NACC1: variants seen among roughly 807,000 people sequenced by gnomAD.
NACC1 encodes nucleus accumbens-associated protein 1.
Under a neutral mutation model 41.7 loss-of-function variants are expected in NACC1, and 6 were observed. That is an observed-to-expected ratio of 0.14 (90% CI 0.08 to 0.28). The LOEUF (loss-of-function observed/expected upper bound fraction) is 0.28. NACC1 is among the 10% of genes least tolerant of loss of function. The probability of loss-of-function intolerance (pLI) is 1.00; values close to 1 mark genes in which losing one functional copy is unlikely to be tolerated. For missense variants in NACC1, 434 were observed against 763.7 expected, an observed-to-expected ratio of 0.57 and a Z score of 5.09; for synonymous variants, 338 against 330.6, an observed-to-expected ratio of 1.02 and a Z score of -0.24.
In NACC1 at chr19:13,140,103, C is replaced by T. The variant is rs1262963839; in HGVS notation, c.*1697C>T. 1 of 152,708 alleles carries T rather than the reference C, an allele frequency of 6.5e-6. No homozygotes were observed. Among genetic ancestry groups the T allele is most frequent in the East Asian group, 1.9e-4 (1 of 5,184 alleles). 9.5% of individuals were successfully genotyped at this position (152,708 alleles called of 1,614,324 possible). A position where few individuals can be genotyped will look rare whatever the true frequency, so the allele number is the denominator to read the frequency against. On this transcript the variant is annotated 3_prime_UTR_variant, in exon 6 of 6. Transcript: ENST00000292431. This position sits in a 1 kb window ranked among gnomAD's most constrained non-coding sequence, Gnocchi z 4.0. The stretch of plus-strand genomic sequence containing the variant: ...GCCCACTGGGGGTCCCTCTTAACAT[C>T]TGCTTGTTGCGGGGGTCAGTCATGA...
In NACC1 at chr19:13,118,385, G is replaced by A. The variant is rs948380837; in HGVS notation, c.-78G>A. 6.8e-6 allele frequency: 1 copy of A among 146,796 alleles called. No homozygotes were observed. The highest frequency in any genetic ancestry group is 2.4e-5 in the African/African-American group (1 of 40,916). 9.1% of individuals were successfully genotyped at this position (146,796 alleles called of 1,614,324 possible). ...GCCCCGGCGCAGCGGGGCGCGCCCC[G>A]GGCCCAGGCCCGGCCCCAGCCGCCG... On this transcript the variant is annotated 5_prime_UTR_variant, in exon 1 of 6. Coordinates refer to ENST00000292431, the MANE Select transcript of NACC1 (RefSeq NM_052876.4).
chr19:13,138,289 C>T lies in NACC1; in HGVS notation c.1467C>T (p.Tyr489=), dbSNP rs1054093789. ...VKVLKAEDDA[Y]TTFISETGKI... ...TGCTCAAGGCTGAGGATGACGCCTA[C>T]ACCACCTTCATCAGTGAAACGGGCA... Residue 489 remains tyrosine (Y), a synonymous_variant, in exon 6 of 6, where the codon TAC becomes TAT. Coordinates refer to ENST00000292431, the MANE Select transcript of NACC1 (RefSeq NM_052876.4). The surrounding 1 kb of genome is among the most constrained non-coding windows in gnomAD (Gnocchi z 5.7). 3.7e-6 allele frequency: 6 copies of T among 1,614,122 alleles called. No individual in the cohort carries two copies. Among genetic ancestry groups the T allele is most frequent in the South Asian group, 1.1e-5 (1 of 91,094 alleles).
rs1201855356 is a variant in NACC1 at position 13,138,988 on chromosome 19, C to T, written c.*582C>T. The T allele has an allele frequency of 6.5e-6, 1 of 153,728 alleles. No individual in the cohort carries two copies. Among genetic ancestry groups the T allele is most frequent in the East Asian group, 1.9e-4 (1 of 5,194 alleles). 9.5% of individuals were successfully genotyped at this position (153,728 alleles called of 1,614,324 possible). On this transcript the variant is annotated 3_prime_UTR_variant, in exon 6 of 6. Transcript: ENST00000292431. The surrounding 1 kb of genome is among the most constrained non-coding windows in gnomAD (Gnocchi z 5.7). Reference sequence around the variant, plus strand: ...AACAGGCTCCGAGAAATTGCACAACCGACCTCAGGTGGCCGGCAGTGGCGT... The same window carrying T: ...AACAGGCTCCGAGAAATTGCACAACTGACCTCAGGTGGCCGGCAGTGGCGT...
intron 1 of NACC1, among the ~76,000 whole-genome samples, chr19:13,134,688 G>A (rs1338758077): frequency 5.9e-5 from 9 of 152,144 alleles, no homozygotes. Flanking sequence ...TTCTTGAGTG[G>A]TCATTTAGTC....
At chr19:13,126,929 T>C (rs1233061715) in intron 1 of NACC1, among the ~76,000 whole-genome samples, 1 of 151,878 alleles carries the variant, frequency 6.6e-6, no homozygotes, top group Non-Finnish European at 1.5e-5. Context: ...GAAACTGACA[T>C]GAAGCCCCAA....
At chr19:13,119,198 A>G (rs1489983106) in intron 1 of NACC1, among the ~76,000 whole-genome samples, 1 of 151,974 alleles carries the variant, frequency 6.6e-6, no homozygotes, top group Non-Finnish European at 1.5e-5. Context: ...GGTCAGGAAA[A>G]GCTGGTGTGA....
chr19:13,125,819 A>G (rs553451316), intron 1 of NACC1, among the ~76,000 whole-genome samples: 1 of 151,788 alleles, frequency 6.6e-6, no homozygotes, highest in Non-Finnish European at 1.5e-5. Context: ...GGCTCGCTGC[A>G]ACTTCCACCT....
At chr19:13,126,033 G>A (rs1313508653) in intron 1 of NACC1, among the ~76,000 whole-genome samples, 1 of 150,622 alleles carries the variant, frequency 6.6e-6, no homozygotes, top group East Asian at 2.0e-4. Context: ...CACCATACCT[G>A]GCTGAAAGGC....
chr19:13,133,756 A>G (rs1178989589), intron 1 of NACC1, among the ~76,000 whole-genome samples: 2 of 152,214 alleles, frequency 1.3e-5, no homozygotes, highest in Non-Finnish European at 2.9e-5. Flanking sequence ...TTTTCAATGC[A>G]GGCAAATGTT....
chr19:13,132,061 G>A (rs903800692), intron 1 of NACC1, among the ~76,000 whole-genome samples: 6 of 151,784 alleles, frequency 4.0e-5, no homozygotes, highest in African/African-American at 9.7e-5. Flanking sequence ...GAGTTTCACC[G>A]TGTTTGCCAG....
intron 1 of NACC1, among the ~76,000 whole-genome samples, chr19:13,129,847 C>T (rs1037087662): frequency 3.9e-5 from 6 of 151,944 alleles, no homozygotes; most frequent in African/African-American, 1.5e-4. Context: ...ATCCCCGTAA[C>T]CTTTCAGTCT....
upstream of NACC1, chr19:13,117,551 CTTTCTT>C (rs1418438679): frequency 7.1e-6 from 1 of 140,850 alleles, no homozygotes; most frequent in Non-Finnish European, 1.5e-5. Flanking sequence ...GCCTCCTTTT[CTTTCTT>C]TCTTTCTTTT....
chr19:13,138,474 C>G lies in NACC1; in HGVS notation c.*68C>G. 1 of 1,575,822 alleles carries G rather than the reference C, an allele frequency of 6.3e-7. No individual in the cohort carries two copies. Among genetic ancestry groups the G allele is most frequent in the South Asian group, 1.1e-5 (1 of 87,748 alleles). Reference sequence around the variant, plus strand: ...ACACACACACACCTGCCATCTTGGTCATGAGCTACTGTCTGTCCCTCCCCA... The same window carrying G: ...ACACACACACACCTGCCATCTTGGTGATGAGCTACTGTCTGTCCCTCCCCA... On this transcript the variant is annotated 3_prime_UTR_variant, in exon 6 of 6. Coordinates refer to ENST00000292431, the MANE Select transcript of NACC1 (RefSeq NM_052876.4). The surrounding 1 kb of genome is among the most constrained non-coding windows in gnomAD (Gnocchi z 5.7).
chr19:13,140,660 G>T lies in NACC1; in HGVS notation c.*2254G>T, dbSNP rs1449331860. ...TGGGGAGAAGGGTCGGGCAGGGGGT[G>T]CAGGGGAGGAAACTCCTCACCAGGA... On this transcript the variant is annotated 3_prime_UTR_variant, in exon 6 of 6. Coordinates refer to ENST00000292431, the MANE Select transcript of NACC1 (RefSeq NM_052876.4). This position sits in a 1 kb window ranked among gnomAD's most constrained non-coding sequence, Gnocchi z 4.0. 1 of 152,170 alleles carries T rather than the reference G, an allele frequency of 6.6e-6. No homozygotes were observed. The highest frequency in any genetic ancestry group is 1.5e-5 in the Non-Finnish European group (1 of 68,052). The allele number at this position is 152,170 out of a possible 1,614,324, so 9.4% of individuals were successfully genotyped here.
rs1004560350 is a variant in NACC1 at position 13,139,459 on chromosome 19, A to C, written c.*1053A>C. On this transcript the variant is annotated 3_prime_UTR_variant, in exon 6 of 6. Transcript: ENST00000292431. ...CCAGGGGTGGGGGGCCTTGGAAGGC[A>C]GGGCGGTGTTGGGGGGCTGGGGGGC... 2.6e-5 allele frequency: 4 copies of C among 152,118 alleles called. No homozygotes were observed. The highest frequency in any genetic ancestry group is 9.7e-5 in the African/African-American group (4 of 41,310). The allele number at this position is 152,118 out of a possible 1,614,324, so 9.4% of individuals were successfully genotyped here.
rs1052593055 is a variant in NACC1 at position 13,138,566 on chromosome 19, G to C, written c.*160G>C. 13 of 1,120,884 alleles carry C rather than the reference G, an allele frequency of 1.2e-5. No individual in the cohort carries two copies. In the Admixed American group the frequency reaches 3.4e-4, roughly 29 times the overall value. The allele number at this position is 1,120,884 out of a possible 1,614,324, so 69.4% of individuals were successfully genotyped here. On this transcript the variant is annotated 3_prime_UTR_variant, in exon 6 of 6. Transcript: ENST00000292431. The surrounding 1 kb of genome is among the most constrained non-coding windows in gnomAD (Gnocchi z 5.7). ...TCCTGTCCTACCCCCTTTCCCCACC[G>C]AGAGCTGGGCCGGGAGAGGACCGCA...
chr19:13,128,946 G>A (rs1163048196), intron 1 of NACC1, among the ~76,000 whole-genome samples: 1 of 152,198 alleles, frequency 6.6e-6, no homozygotes, highest in African/African-American at 2.4e-5. Context: ...CACACCCTCA[G>A]GGGTGCTGAT....
In NACC1 at chr19:13,137,423, T is replaced by C; in HGVS notation, c.1226+47T>C. On this transcript the variant is annotated intron_variant, in intron 4 of 5. Coordinates refer to ENST00000292431, the MANE Select transcript of NACC1 (RefSeq NM_052876.4). The surrounding 1 kb of genome is among the most constrained non-coding windows in gnomAD (Gnocchi z 6.1). ...CAGGGAGGGGGGTGGGGTTTCCCCATGTCCCCCCCACCACCAACTTGAGCG... is the reference window on the plus strand; with the variant it reads ...CAGGGAGGGGGGTGGGGTTTCCCCACGTCCCCCCCACCACCAACTTGAGCG... 6.2e-7 allele frequency: 1 copy of C among 1,607,544 alleles called. No individual in the cohort carries two copies. Among genetic ancestry groups the C allele is most frequent in the Non-Finnish European group, 8.5e-7 (1 of 1,174,842 alleles).
chr19:13,134,329 G>A (rs1028569499), intron 1 of NACC1, among the ~76,000 whole-genome samples: 1 of 150,984 alleles, frequency 6.6e-6, no homozygotes, highest in Non-Finnish European at 1.5e-5. Context: ...CAAAGTGCTG[G>A]GATTACAGGC....
Sources: allele counts gnomAD v4.1 joint callset (sites outside exome capture counted in the v4.1 genomes callset), GRCh38; gene constraint gnomAD v4.1.1; non-coding constraint Gnocchi (gnomAD v3.1); transcripts MANE v1.5; gene names NCBI Gene and HGNC (gene_info 2026-07-23, HGNC 2026-07-21).